The following DDX19B variants were observed in gnomAD, a reference collection of about 807,000 sequenced individuals.
DDX19B encodes the protein DEAD-box helicase 19B.
Under a neutral mutation model 58.1 loss-of-function variants are expected in DDX19B, and 27 were observed. That is an observed-to-expected ratio of 0.46 (90% CI 0.34 to 0.64). DDX19B has a LOEUF of 0.64. Among genes scored for constraint, DDX19B ranks in the 30% least tolerant of loss-of-function variants. The pLI, the probability that DDX19B is intolerant of heterozygous loss-of-function variation, is 0.01. For missense variants in DDX19B, 399 were observed against 596.5 expected, an observed-to-expected ratio of 0.67 and a Z score of 3.45; for synonymous variants, 187 against 214.4, an observed-to-expected ratio of 0.87 and a Z score of 1.12.
chr16:70,306,125 G>A (rs1004006244), intron 1 of DDX19B, among the ~76,000 whole-genome samples: 16 of 151,548 alleles, frequency 1.1e-4, no homozygotes, highest in Admixed American at 7.9e-4. Flanking sequence ...TGTTAGGTCA[G>A]TTTTGTTGTT....
intron 3 of DDX19B, chr16:70,315,747 TAG>T (rs1347793289): frequency 7.8e-6 from 4 of 510,598 alleles, no homozygotes; most frequent in Non-Finnish European, 1.3e-5. Flanking sequence ...AGAGGGCTGT[TAG>T]AATAGAGTCT....
chr16:70,312,555 T>C (rs992230401), intron 1 of DDX19B, 54 bp from the exon 2 acceptor site: 10 of 1,531,908 alleles, frequency 6.5e-6, no homozygotes, highest in South Asian at 1.1e-5. Flanking sequence ...TGATTCCAAA[T>C]CTTTTTAAGT....
At chr16:70,296,005 A>AT (rs113857820), upstream of DDX19B, among the ~76,000 whole-genome samples, 938 of 134,726 alleles carry the variant, frequency 7.0e-3, 3 homozygotes, top group African/African-American at 8.9e-3. Flanking sequence ...TATCTTAAGC[A>AT]TTTTTTTTTT....
At chr16:70,297,871 C>T (rs969167943), upstream of DDX19B, among the ~76,000 whole-genome samples, 8 of 152,168 alleles carry the variant, frequency 5.3e-5, no homozygotes, top group Admixed American at 1.3e-4. Flanking sequence ...CAGGCATGTG[C>T]GACGACACCT....
intron 7 of DDX19B, among the ~76,000 whole-genome samples, chr16:70,328,103 G>C (rs755392824): frequency 5.3e-5 from 8 of 151,154 alleles, no homozygotes; most frequent in Non-Finnish European, 1.0e-4. Flanking sequence ...GCAGTGAGCC[G>C]AGATTGCACC....
intron 5 of DDX19B, among the ~76,000 whole-genome samples, chr16:70,322,797 CAGA>C (rs1212568162): frequency 6.8e-6 from 1 of 147,206 alleles, no homozygotes; most frequent in African/African-American, 2.5e-5. Context: ...GAGGCTGGGG[CAGA>C]AGAATTGCTT....
upstream of DDX19B, among the ~76,000 whole-genome samples, chr16:70,294,464 G>T (rs1961147442): frequency 6.6e-6 from 1 of 152,166 alleles, no homozygotes; most frequent in South Asian, 2.1e-4. Context: ...CTAGATTAGA[G>T]GATGTGCGTC....
chr16:70,308,507 G>A (rs1368607839), intron 1 of DDX19B, among the ~76,000 whole-genome samples: 3 of 152,084 alleles, frequency 2.0e-5, no homozygotes, highest in Non-Finnish European at 2.9e-5. Flanking sequence ...AAAGCTCTGG[G>A]ATTACAGGAA....
chr16:70,310,904 G>T (rs141433140), intron 1 of DDX19B, among the ~76,000 whole-genome samples: 82 of 151,632 alleles, frequency 5.4e-4, no homozygotes, highest in African/African-American at 1.7e-3. Context: ...GGTAGCGGAC[G>T]CCTGTAGTCC....
chr16:70,324,881 G>C (rs1963059656), intron 6 of DDX19B, among the ~76,000 whole-genome samples, 194 bp downstream of exon 6: 1 of 152,054 alleles, frequency 6.6e-6, no homozygotes, highest in African/African-American at 2.4e-5. Context: ...GTGAAACCCT[G>C]TCTCTACTAA....
upstream of DDX19B, among the ~76,000 whole-genome samples, chr16:70,292,737 A>G (rs1032730822): frequency 3.9e-5 from 6 of 152,212 alleles, no homozygotes; most frequent in Non-Finnish European, 7.3e-5. Context: ...ATCTTGGGGC[A>G]TGAGAAAGAT....
chr16:70,316,162 T>C (rs1962391396), intron 4 of DDX19B, 58 bp downstream of exon 4: 1 of 1,605,690 alleles, frequency 6.2e-7, no homozygotes, highest in Non-Finnish European at 8.5e-7. Context: ...AGATCCTAGG[T>C]CTGTTATAGA....
chr16:70,304,762 T>C (rs1597466429), intron 1 of DDX19B, among the ~76,000 whole-genome samples: 2 of 152,058 alleles, frequency 1.3e-5, no homozygotes, highest in Admixed American at 1.3e-4. Flanking sequence ...TCTTTTTTTT[T>C]TCTTTCTTTC....
Position 70,333,549 on chromosome 16 carries a change from T to A in DDX19B, c.1407T>A (p.Asp469Glu), listed in dbSNP as rs1352238694. Residue 469 changes from aspartate to glutamate, a missense_variant, in exon 12 of 12, where the codon GAT becomes GAA. This residue lies in a region of DDX19B where 198 missense variants were observed against 345.9 expected (regional missense o/e 0.57). Transcript: ENST00000288071. ...AGAAGATAGAAAGATTGGACACAGA[T>A]GATTTGGACGAGATTGAGAAAATAG... ...FNKKIERLDTDDLDEIEKIAN is the reference protein window; with the variant it reads ...FNKKIERLDTEDLDEIEKIAN 1.2e-6 allele frequency: 2 copies of A among 1,613,944 alleles called. No individual in the cohort carries two copies. The highest frequency in any genetic ancestry group is 2.2e-5 in the East Asian group (1 of 44,870).
intron 3 of DDX19B, among the ~76,000 whole-genome samples, chr16:70,315,314 G>T (rs535820655): frequency 3.3e-5 from 5 of 150,208 alleles, no homozygotes; most frequent in Non-Finnish European, 2.9e-5. Flanking sequence ...ATGAACCCGG[G>T]AAGCAGAGCT....
intron 5 of DDX19B, 118 bp from the exon 6 acceptor site, chr16:70,324,467 G>GT (rs1286061589): frequency 5.6e-6 from 4 of 718,484 alleles, no homozygotes; most frequent in Non-Finnish European, 8.9e-6. Flanking sequence ...GCTAGCATAT[G>GT]TAACTCTGCT....
chr16:70,317,256 C>G, intron 4 of DDX19B: 1 of 277,242 alleles, frequency 3.6e-6, no homozygotes, highest in East Asian at 6.7e-5. Flanking sequence ...TGCCATGTAC[C>G]TGTAATCCCA....
intron 1 of DDX19B, among the ~76,000 whole-genome samples, chr16:70,307,455 C>T (rs149191093): frequency 0.029 from 4,352 of 150,250 alleles, 103 homozygotes; most frequent in East Asian, 0.046. Context: ...CTCTGCCTCC[C>T]GGGTTTAAGC....
At chr16:70,292,777 G>A (rs909565830), upstream of DDX19B, among the ~76,000 whole-genome samples, 1 of 152,148 alleles carries the variant, frequency 6.6e-6, no homozygotes, top group Non-Finnish European at 1.5e-5. Context: ...TACAACAGCT[G>A]TGATTGCCCC....
Sources: allele counts gnomAD v4.1 joint callset (sites outside exome capture counted in the v4.1 genomes callset), GRCh38; gene constraint gnomAD v4.1.1; regional missense constraint gnomAD v4.1.1; transcripts MANE v1.5; gene names NCBI Gene and HGNC (gene_info 2026-07-23, HGNC 2026-07-21).